ZNF599: variants seen among roughly 807,000 people sequenced by gnomAD.
The protein encoded by ZNF599 is zinc finger protein 599.
Under a neutral mutation model 11.7 loss-of-function variants are expected in ZNF599, and 10 were observed. That is an observed-to-expected ratio of 0.86 (90% CI 0.53 to 1.45). ZNF599 has a LOEUF of 1.45. ZNF599 is among the 40% of genes most tolerant of loss of function. The probability of loss-of-function intolerance (pLI) is 0.00; values close to 1 mark genes in which losing one functional copy is unlikely to be tolerated. For synonymous variants in ZNF599, 232 were observed against 253.2 expected, an observed-to-expected ratio of 0.92 and a Z score of 0.79; for missense variants, 688 against 713.6, an observed-to-expected ratio of 0.96 and a Z score of 0.41.
chr19:34,780,562 AAGAG>A, the ZNF599 span, among the ~76,000 whole-genome samples: 1 of 147,378 alleles, frequency 6.8e-6, no homozygotes, highest in Non-Finnish European at 1.5e-5. Flanking sequence ...GAGAGAGACA[AAGAG>A]AGAAAGAAAG....
At chr19:34,773,349 A>C (rs549127532), upstream of ZNF599, 1 of 149,624 alleles carries the variant, frequency 6.7e-6, no homozygotes, top group Non-Finnish European at 1.5e-5. Flanking sequence ...CCTGGAGCGC[A>C]CTTTCTGTTC....
At chr19:34,783,085 C>A in the ZNF599 span, among the ~76,000 whole-genome samples, 1 of 152,326 alleles carries the variant, frequency 6.6e-6, no homozygotes, top group East Asian at 1.9e-4. Flanking sequence ...CAGATAGACA[C>A]CAAATGTACT....
intron 1 of ZNF599, among the ~76,000 whole-genome samples, chr19:34,770,527 A>T (rs1346832160): frequency 6.6e-6 from 1 of 152,356 alleles, no homozygotes; most frequent in African/African-American, 2.4e-5. Context: ...GAGCTCAAAC[A>T]AAGTTTCCCT....
the ZNF599 span, among the ~76,000 whole-genome samples, chr19:34,794,576 C>CT: frequency 3.5e-3 from 505 of 142,484 alleles, 1 homozygote; most frequent in South Asian, 0.011. Flanking sequence ...CTTTTTTTTT[C>CT]TTTTTTTTTT....
rs2069082766 is a variant in ZNF599, at chr19:34,758,086, A to G, written c.*948T>C. On this transcript the variant is annotated 3_prime_UTR_variant, in exon 4 of 4. Coordinates refer to ENST00000329285, the MANE Select transcript of ZNF599 (RefSeq NM_001007248.3). Reference sequence around the variant, plus strand: ...ATTACACAAACATGCTATAATTAAAATATTTTTATTATAAAGAATAATTAT... The same window carrying G: ...ATTACACAAACATGCTATAATTAAAGTATTTTTATTATAAAGAATAATTAT... The G allele has an allele frequency of 6.6e-6, 1 of 152,106 alleles. No individual in the cohort carries two copies. Among genetic ancestry groups the G allele is most frequent in the African/African-American group, 2.4e-5 (1 of 41,446 alleles). 9.4% of individuals were successfully genotyped at this position (152,106 alleles called of 1,614,324 possible).
At chr19:34,760,871 G>A (rs1036194462) in intron 3 of ZNF599, among the ~76,000 whole-genome samples, 20 of 152,198 alleles carry the variant, frequency 1.3e-4, no homozygotes, top group Non-Finnish European at 2.9e-5. Flanking sequence ...TGCTCTGACA[G>A]AGGCAGTCTC....
At position 34,772,581 on chromosome 19, in the gene ZNF599, G is replaced by T. The variant is rs144192882; in HGVS notation, c.18+243C>A. ...CGAGGGAATGGAGGCCGAGGGCAGC[G>T]AGGCGACAGCTCCAGGTTAGAGCCA... On this transcript the variant is annotated intron_variant, in intron 1 of 3. Transcript: ENST00000329285. 4.5e-3 allele frequency: 5,968 copies of T among 1,332,938 alleles called. 23 individuals are homozygous for T. Among genetic ancestry groups the T allele is most frequent in the Admixed American group, 7.4e-3 (194 of 26,270 alleles). 82.6% of individuals were successfully genotyped at this position (1,332,938 alleles called of 1,614,324 possible).
upstream of ZNF599, among the ~76,000 whole-genome samples, chr19:34,774,297 C>T (rs2069206041): frequency 6.6e-6 from 1 of 152,116 alleles, no homozygotes; most frequent in Non-Finnish European, 1.5e-5. Flanking sequence ...CCCATCTGCC[C>T]CTCCAGCCCC....
rs1192096183 is a variant in ZNF599 at position 34,758,239 on chromosome 19, A to G, written c.*795T>C. On this transcript the variant is annotated 3_prime_UTR_variant, in exon 4 of 4. Transcript: ENST00000329285. ...AGAGGCTCACAGAAGCTAACGCTGT[A>G]TTTCCCCTAGCAACAATCATTCAGC... 1 of 152,240 alleles carries G rather than the reference A, an allele frequency of 6.6e-6. No homozygotes were observed. Among genetic ancestry groups the G allele is most frequent in the Non-Finnish European group, 1.5e-5 (1 of 68,036 alleles). 9.4% of individuals were successfully genotyped at this position (152,240 alleles called of 1,614,324 possible). A position where few individuals can be genotyped will look rare whatever the true frequency, so the allele number is the denominator to read the frequency against.
chr19:34,801,843 A>G, the ZNF599 span, among the ~76,000 whole-genome samples: 6 of 152,206 alleles, frequency 3.9e-5, no homozygotes, highest in Admixed American at 6.5e-5. Context: ...GCTCCTATCT[A>G]CATCCCTTCT....
chr19:34,769,572 A>G lies in ZNF599; in HGVS notation c.19-17T>C, dbSNP rs768319261. On this transcript the variant is annotated splice_polypyrimidine_tract_variant and intron_variant, in intron 1 of 3. Coordinates refer to ENST00000329285, the MANE Select transcript of ZNF599 (RefSeq NM_001007248.3). The stretch of plus-strand genomic sequence containing the variant: ...TACTAATGCCTGGGAAGTCAAACAG[A>G]GGTGACAGGTGGCTGTGGAGCTATT... The G allele has an allele frequency of 1.2e-6, 2 of 1,608,998 alleles. No homozygotes were observed. The highest frequency in any genetic ancestry group is 1.7e-4 in the Middle Eastern group (1 of 6,036).
At chr19:34,774,250 T>G (rs113529194), upstream of ZNF599, among the ~76,000 whole-genome samples, 2,069 of 152,184 alleles carry the variant, frequency 0.014, 41 homozygotes, top group South Asian at 0.083. Context: ...GTGTCACTGT[T>G]CATCTCTAAT....
At chr19:34,768,454 G>C (rs555668109) in intron 2 of ZNF599, among the ~76,000 whole-genome samples, 1 of 152,344 alleles carries the variant, frequency 6.6e-6, no homozygotes, top group African/African-American at 2.4e-5. Context: ...TGAACAACTG[G>C]AATAAGTGAG....
the ZNF599 span, among the ~76,000 whole-genome samples, chr19:34,783,125 T>C: frequency 2.0e-5 from 3 of 152,184 alleles, no homozygotes; most frequent in South Asian, 4.1e-4. Flanking sequence ...TCTTTTAAAA[T>C]GCACCTGGGA....
chr19:34,783,820 C>T, the ZNF599 span, among the ~76,000 whole-genome samples: 1 of 152,124 alleles, frequency 6.6e-6, no homozygotes, highest in Non-Finnish European at 1.5e-5. Context: ...AACTTCCTTC[C>T]CACAGGGGTA....
chr19:34,785,535 TCAGTGACTCCC>T, the ZNF599 span, among the ~76,000 whole-genome samples: 1 of 152,092 alleles, frequency 6.6e-6, no homozygotes, highest in African/African-American at 2.4e-5. Flanking sequence ...TCTGGTAACA[TCAGTGACTCCC>T]CAGTGATGAT....
At chr19:34,800,309 T>A in the ZNF599 span, among the ~76,000 whole-genome samples, 1 of 152,198 alleles carries the variant, frequency 6.6e-6, no homozygotes, top group Non-Finnish European at 1.5e-5. Flanking sequence ...ATATAGTTAC[T>A]CCTGCTTTAT....
chr19:34,758,159 C>G lies in ZNF599; in HGVS notation c.*875G>C, dbSNP rs555174158. 5.3e-5 allele frequency: 8 copies of G among 152,012 alleles called. No homozygotes were observed. The highest frequency in any genetic ancestry group is 1.0e-4 in the Non-Finnish European group (7 of 67,972). The allele number at this position is 152,012 out of a possible 1,614,324, so 9.4% of individuals were successfully genotyped here. On this transcript the variant is annotated 3_prime_UTR_variant, in exon 4 of 4. Coordinates refer to ENST00000329285, the MANE Select transcript of ZNF599 (RefSeq NM_001007248.3). ...AAGTGTCTTTAAACAAACAAACAAACAAATACCCATAGAAGAAGGTTATGT... is the reference window on the plus strand; with the variant it reads ...AAGTGTCTTTAAACAAACAAACAAAGAAATACCCATAGAAGAAGGTTATGT...
the ZNF599 span, among the ~76,000 whole-genome samples, chr19:34,789,623 A>C: frequency 6.6e-6 from 1 of 152,078 alleles, no homozygotes; most frequent in African/African-American, 2.4e-5. Context: ...GCATTTTTTC[A>C]TATAGTTATT....
Sources: gnomAD v4.1 joint callset for allele counts (sites outside exome capture counted in the v4.1 genomes callset) on GRCh38, gnomAD v4.1.1 for gene constraint, MANE v1.5 for transcripts, NCBI Gene and HGNC (gene_info 2026-07-23, HGNC 2026-07-21) for gene names.